DOK6: variants seen among roughly 807,000 people sequenced by gnomAD.
The protein encoded by DOK6 is docking protein 6, also known as downstream of tyrosine kinase 6.
A neutral mutation model predicts 44.0 loss-of-function variants in DOK6; 22 were observed. That is an observed-to-expected ratio of 0.50 (90% CI 0.36 to 0.71). DOK6 has a LOEUF of 0.71. Ranked by LOEUF, DOK6 falls within the 30% of genes least tolerant of loss-of-function variation. The pLI, the probability that DOK6 is intolerant of heterozygous loss-of-function variation, is 0.00. For missense variants in DOK6, 340 were observed against 416.4 expected (o/e 0.82, Z 1.60); for synonymous variants, 166 against 145.5 (o/e 1.14, Z -1.01).
chr18:69,567,471 A>G (rs890385692), intron 2 of DOK6, among the ~76,000 whole-genome samples: 4 of 152,142 alleles, frequency 2.6e-5, no homozygotes, highest in African/African-American at 9.6e-5. Context: ...TTTAAAAACC[A>G]TTACCAAAAA....
chr18:69,449,279 G>C (rs1979385178), intron 1 of DOK6, among the ~76,000 whole-genome samples: 1 of 152,152 alleles, frequency 6.6e-6, no homozygotes. Flanking sequence ...GTTTATGGCA[G>C]ATACAATGTG....
intron 1 of DOK6, among the ~76,000 whole-genome samples, chr18:69,495,509 A>G (rs576263535): frequency 6.6e-6 from 1 of 152,124 alleles, no homozygotes; most frequent in Non-Finnish European, 1.5e-5. Context: ...GTGGCTGCTC[A>G]GCTCTGGCTG....
chr18:69,437,287 T>C (rs1346820844), intron 1 of DOK6, among the ~76,000 whole-genome samples: 2 of 152,236 alleles, frequency 1.3e-5, no homozygotes, highest in African/African-American at 2.4e-5. Flanking sequence ...TTTATGGTTT[T>C]AGGTCTTACA....
intron 3 of DOK6, among the ~76,000 whole-genome samples, chr18:69,669,742 T>A (rs1163434049): frequency 6.6e-6 from 1 of 152,166 alleles, no homozygotes; most frequent in Non-Finnish European, 1.5e-5. Context: ...GCCTTGAGAT[T>A]TTCTTTTCCA....
At chr18:69,564,776 C>T (rs1982928487) in intron 2 of DOK6, among the ~76,000 whole-genome samples, 182 bp downstream of exon 2, 1 of 152,150 alleles carries the variant, frequency 6.6e-6, no homozygotes, top group South Asian at 2.1e-4. Flanking sequence ...GCCAGTGCTA[C>T]CTCTGTGCAA....
intron 1 of DOK6, among the ~76,000 whole-genome samples, chr18:69,550,216 C>T (rs879657737): frequency 0.02 from 2,990 of 149,304 alleles, 67 homozygotes; most frequent in Middle Eastern, 0.035. Flanking sequence ...GCAAAGCCAT[C>T]ATTTTTAGGT....
intron 7 of DOK6, among the ~76,000 whole-genome samples, chr18:69,794,286 T>C (rs1231223108): frequency 6.6e-6 from 1 of 152,212 alleles, no homozygotes; most frequent in Admixed American, 6.5e-5. Context: ...TCTACAGAAG[T>C]ATCTGCCTTT....
chr18:69,678,727 A>G (rs1386672701), intron 4 of DOK6, among the ~76,000 whole-genome samples: 1 of 152,228 alleles, frequency 6.6e-6, no homozygotes, highest in Non-Finnish European at 1.5e-5. Flanking sequence ...TCAGCCTGTC[A>G]ATATTCATTG....
At chr18:69,429,512 T>A (rs1978736426) in intron 1 of DOK6, among the ~76,000 whole-genome samples, 1 of 151,216 alleles carries the variant, frequency 6.6e-6, no homozygotes, top group Non-Finnish European at 1.5e-5. Context: ...TGAGATTTTA[T>A]GCTTAAATAT....
chr18:69,689,764 G>A lies in DOK6; in HGVS notation c.410-8640G>A, dbSNP rs997814884. On this transcript the variant is annotated intron_variant, in intron 4 of 7. Coordinates refer to ENST00000382713, the MANE Select transcript of DOK6 (RefSeq NM_152721.6). ...AAAGGACTGAATTATTCAGCAAATTGAGCTAAAAATTGGTTATTTTATTGC... is the reference window on the plus strand; with the variant it reads ...AAAGGACTGAATTATTCAGCAAATTAAGCTAAAAATTGGTTATTTTATTGC... 3.9e-5 allele frequency among the ~76,000 whole-genome samples: 6 copies of A among 152,178 alleles called. No homozygotes were observed. The East Asian group carries it at 9.6e-4, about 24-fold the overall frequency.
intron 2 of DOK6, among the ~76,000 whole-genome samples, chr18:69,577,731 C>T (rs529611018): frequency 5.9e-5 from 9 of 152,172 alleles, no homozygotes; most frequent in African/African-American, 2.2e-4. Context: ...CAGAGATTAG[C>T]GAGAGGCACT....
intron 1 of DOK6, among the ~76,000 whole-genome samples, chr18:69,439,794 A>G (rs1191283427): frequency 2.0e-5 from 3 of 152,192 alleles, no homozygotes; most frequent in Non-Finnish European, 4.4e-5. Context: ...CTTTCTCCAT[A>G]TCAGCAACCC....
At chr18:69,629,858 T>TG in intron 3 of DOK6, among the ~76,000 whole-genome samples, 1 of 152,308 alleles carries the variant, frequency 6.6e-6, no homozygotes. Flanking sequence ...TGATGCGATC[T>TG]CAGCTCACTG....
At chr18:69,606,828 A>G (rs1380805299) in intron 3 of DOK6, among the ~76,000 whole-genome samples, 1 of 146,896 alleles carries the variant, frequency 6.8e-6, no homozygotes, top group Non-Finnish European at 1.5e-5. Flanking sequence ...CAGTGGCGCA[A>G]TCTCGGCCCA....
At chr18:69,721,728 TA>T (rs5825965) in intron 5 of DOK6, among the ~76,000 whole-genome samples, 101,582 of 152,070 alleles carry the variant, frequency 0.67, 34,338 homozygotes, top group East Asian at 0.89. Flanking sequence ...TGAATTTACT[TA>T]AAAGTATAAT....
At position 69,552,832 on chromosome 18, in the gene DOK6, A is replaced by C. The variant is rs532381912; in HGVS notation, c.67-11655A>C. Among the ~76,000 whole-genome samples the C allele has an allele frequency of 3.9e-5, 6 of 152,382 alleles. No individual in the cohort carries two copies. In the South Asian group the frequency reaches 1.2e-3, roughly 32 times the overall value. Reference sequence around the variant, plus strand: ...TCATAAGATGTTTGCCGAATGAATGAATTATGAAAGTGGAACTCTTTGAAA... The same window carrying C: ...TCATAAGATGTTTGCCGAATGAATGCATTATGAAAGTGGAACTCTTTGAAA... On this transcript the variant is annotated intron_variant, in intron 1 of 7. Coordinates refer to ENST00000382713, the MANE Select transcript of DOK6 (RefSeq NM_152721.6).
intron 7 of DOK6, among the ~76,000 whole-genome samples, chr18:69,797,893 A>G (rs1980795050): frequency 6.6e-6 from 1 of 152,130 alleles, no homozygotes; most frequent in Admixed American, 6.6e-5. Flanking sequence ...AGCAGTTGTT[A>G]ATATCAAAGA....
At chr18:69,661,838 C>G (rs1307180334) in intron 3 of DOK6, 1 of 152,180 alleles carries the variant, frequency 6.6e-6, no homozygotes, top group Non-Finnish European at 1.5e-5. Context: ...CCAATCACCC[C>G]TAACTGTAAA....
At chr18:69,560,408 T>G (rs1215323019) in intron 1 of DOK6, among the ~76,000 whole-genome samples, 1 of 143,206 alleles carries the variant, frequency 7.0e-6, no homozygotes, top group African/African-American at 2.5e-5. Context: ...CCGATTTTTT[T>G]TCTTTTCTTT....
Sources: allele counts gnomAD v4.1 joint callset (sites outside exome capture counted in the v4.1 genomes callset), GRCh38; gene constraint gnomAD v4.1.1; transcripts MANE v1.5; gene names NCBI Gene and HGNC (gene_info 2026-07-23, HGNC 2026-07-21).